The following TMCC1 variants were observed in gnomAD, a reference collection of about 807,000 sequenced individuals.
TMCC1 encodes transmembrane and coiled-coil domains protein 1.
TMCC1 carries 15 observed loss-of-function variants against 52.4 expected under a neutral mutation model. That is an observed-to-expected ratio of 0.29 (90% CI 0.19 to 0.44). The LOEUF (loss-of-function observed/expected upper bound fraction) is 0.44, where lower values mean the gene tolerates loss of function less well. TMCC1 is among the 20% of genes least tolerant of loss of function. TMCC1 has a pLI of 1.00. For missense variants in TMCC1, 503 were observed against 806.0 expected, an observed-to-expected ratio of 0.62 and a Z score of 4.55; for synonymous variants, 279 against 301.9, an observed-to-expected ratio of 0.92 and a Z score of 0.79.
chr3:129,743,580 G>A (rs896896007), intron 4 of TMCC1, among the ~76,000 whole-genome samples: 3 of 152,114 alleles, frequency 2.0e-5, no homozygotes, highest in African/African-American at 7.2e-5. Context: ...TGGCACCATG[G>A]AATATGCATG....
At chr3:129,886,338 A>T (rs939867015) in intron 1 of TMCC1, among the ~76,000 whole-genome samples, 1 of 152,262 alleles carries the variant, frequency 6.6e-6, no homozygotes, top group Non-Finnish European at 1.5e-5. Flanking sequence ...CACTTTATCC[A>T]AAGTCAAGCC....
chr3:129,726,890 A>AAAAAAAAAAAAAAAAAAAAAAAAAAAC (rs2050142835), intron 4 of TMCC1, among the ~76,000 whole-genome samples: 1 of 143,306 alleles, frequency 7.0e-6, no homozygotes. Flanking sequence ...AAAAAAAAAA[A>AAAAAAAAAAAAAAAAAAAAAAAAAAAC]AAAAAAAAGA....
intron 4 of TMCC1, among the ~76,000 whole-genome samples, chr3:129,793,889 T>C (rs2056638199): frequency 6.6e-6 from 1 of 152,226 alleles, no homozygotes; most frequent in Non-Finnish European, 1.5e-5. Flanking sequence ...GTCTTGCTCA[T>C]TAAACTATTT....
At chr3:129,841,612 C>A (rs1338594165) in intron 2 of TMCC1, among the ~76,000 whole-genome samples, 1 of 152,050 alleles carries the variant, frequency 6.6e-6, no homozygotes, top group Non-Finnish European at 1.5e-5. Context: ...TGAAAATGTT[C>A]ATTGTATGTC....
chr3:129,837,388 CAAG>C (rs2059207050), intron 2 of TMCC1, among the ~76,000 whole-genome samples: 1 of 152,104 alleles, frequency 6.6e-6, no homozygotes, highest in African/African-American at 2.4e-5. Context: ...AGCAGGAAGA[CAAG>C]AACAAGGTAT....
intron 2 of TMCC1, among the ~76,000 whole-genome samples, chr3:129,877,124 C>T (rs538035108): frequency 3.3e-5 from 5 of 152,284 alleles, no homozygotes; most frequent in Non-Finnish European, 5.9e-5. Flanking sequence ...TCTGAATACC[C>T]AGTCTCATCA....
intron 4 of TMCC1, among the ~76,000 whole-genome samples, chr3:129,809,755 T>C (rs1212231236): frequency 1.3e-5 from 2 of 152,242 alleles, no homozygotes; most frequent in East Asian, 3.8e-4. Flanking sequence ...GTATTTTCCA[T>C]ACTGAACATT....
chr3:129,798,007 T>A (rs1303654696), intron 4 of TMCC1, among the ~76,000 whole-genome samples: 1 of 151,342 alleles, frequency 6.6e-6, no homozygotes, highest in South Asian at 2.1e-4. Context: ...TTTTCTTTTT[T>A]TTTTTGAGAC....
intron 2 of TMCC1, among the ~76,000 whole-genome samples, chr3:129,877,821 G>A (rs1420515019): frequency 1.3e-5 from 2 of 151,568 alleles, no homozygotes; most frequent in African/African-American, 2.4e-5. Flanking sequence ...ATAGACATGC[G>A]GTTTCACCAT....
At chr3:129,762,277 C>A (rs1220345046) in intron 4 of TMCC1, among the ~76,000 whole-genome samples, 3 of 151,670 alleles carry the variant, frequency 2.0e-5, no homozygotes, top group South Asian at 4.2e-4. Flanking sequence ...TGGGCTCAAT[C>A]AATCTACCCG....
At chr3:129,752,131 A>G (rs2052582108) in intron 4 of TMCC1, among the ~76,000 whole-genome samples, 1 of 152,212 alleles carries the variant, frequency 6.6e-6, no homozygotes, top group Admixed American at 6.5e-5. Context: ...TCTATTACCC[A>G]GCTGTCAGCA....
intron 2 of TMCC1, among the ~76,000 whole-genome samples, chr3:129,874,909 C>A (rs1286540032): frequency 6.6e-6 from 1 of 151,992 alleles, no homozygotes; most frequent in Non-Finnish European, 1.5e-5. Context: ...TATATTTGAA[C>A]CTTTCTCTTC....
intron 2 of TMCC1, chr3:129,857,477 T>C (rs1385881969): frequency 1.3e-5 from 2 of 152,270 alleles, no homozygotes; most frequent in African/African-American, 2.4e-5. Flanking sequence ...ATGAAACTAC[T>C]GTTCTTCATA....
intron 4 of TMCC1, among the ~76,000 whole-genome samples, chr3:129,745,056 A>G (rs2051805811): frequency 6.6e-6 from 1 of 152,232 alleles, no homozygotes. Flanking sequence ...ATTGAGTAAT[A>G]ATGGAGAGAA....
chr3:129,703,956 G>A (rs1030794383), intron 4 of TMCC1, among the ~76,000 whole-genome samples: 1 of 152,174 alleles, frequency 6.6e-6, no homozygotes, highest in Non-Finnish European at 1.5e-5. Flanking sequence ...AAGAAGAGAC[G>A]TGAGACCAGA....
At chr3:129,846,442 G>A (rs1315147023) in intron 2 of TMCC1, among the ~76,000 whole-genome samples, 4 of 152,110 alleles carry the variant, frequency 2.6e-5, no homozygotes, top group Non-Finnish European at 4.4e-5. Flanking sequence ...AAATGGTTTC[G>A]AAGGTAACAC....
At chr3:129,862,747 T>G (rs1470568073) in intron 2 of TMCC1, among the ~76,000 whole-genome samples, 1 of 152,224 alleles carries the variant, frequency 6.6e-6, no homozygotes, top group Non-Finnish European at 1.5e-5. Flanking sequence ...TCCATTTTCT[T>G]ACTTACATAA....
chr3:129,759,232 C>G (rs566089205), intron 4 of TMCC1, among the ~76,000 whole-genome samples: 11 of 152,128 alleles, frequency 7.2e-5, no homozygotes, highest in Non-Finnish European at 1.5e-4. Flanking sequence ...TACATATCAA[C>G]CACTACTTTA....
At chr3:129,773,206 C>T (rs1232605280) in intron 4 of TMCC1, among the ~76,000 whole-genome samples, 3 of 152,192 alleles carry the variant, frequency 2.0e-5, no homozygotes, top group African/African-American at 4.8e-5. Context: ...GATTACTTCT[C>T]TATGTTGCTA....
Sources: gnomAD v4.1 joint callset for allele counts (sites outside exome capture counted in the v4.1 genomes callset) on GRCh38, gnomAD v4.1.1 for gene constraint, MANE v1.5 for transcripts, NCBI Gene and HGNC (gene_info 2026-07-23, HGNC 2026-07-21) for gene names.